KCNK2: variants seen among roughly 807,000 people sequenced by gnomAD.
KCNK2 encodes potassium two pore domain channel subfamily K member 2, also known as potassium channel subfamily K member 2.
A neutral mutation model predicts 40.5 loss-of-function variants in KCNK2; 21 were observed. That is an observed-to-expected ratio of 0.52 (90% confidence interval 0.37 to 0.75). KCNK2 has a LOEUF of 0.75. Among genes scored for constraint, KCNK2 ranks in the 30% least tolerant of loss-of-function variants. The pLI, the probability that KCNK2 is intolerant of heterozygous loss-of-function variation, is 0.00. For missense variants in KCNK2, 399 were observed against 531.6 expected (o/e 0.75, Z 2.45); for synonymous variants, 191 against 202.2 (o/e 0.94, Z 0.47).
At position 215,201,245 on chromosome 1, in the gene KCNK2, G is replaced by T. The variant is rs190035588; in HGVS notation, c.963+6153G>T. 3.5e-3 allele frequency among the ~76,000 whole-genome samples: 539 copies of T among 152,180 alleles called. 12 individuals are homozygous for T. Among genetic ancestry groups the T allele is most frequent in the Admixed American group, 0.032 (493 of 15,276 alleles). On this transcript the variant is annotated intron_variant, in intron 6 of 6. Coordinates refer to ENST00000444842, the MANE Select transcript of KCNK2 (RefSeq NM_001017425.3). ...ATGGTTACAGTGGTAGATCATATTG[G>T]CTAAAGAAAATGGTGAAGAAAAAGA... is the stretch of plus-strand genomic sequence containing the variant.
rs1216448651 is a variant in KCNK2 at position 215,118,525 on chromosome 1, TCTC to T, written c.358-6107_358-6105del. Among the ~76,000 whole-genome samples the T allele has an allele frequency of 2.6e-5, 4 of 152,142 alleles. No individual in the cohort carries two copies. The South Asian group carries it at 8.3e-4, about 32-fold the overall frequency. ...ATTCGTTATCTAAAGACTAGTTTCTTCTCAGTGTGGAAACTGGCTTCCCCCGCA... is the reference window on the plus strand; with the variant it reads ...ATTCGTTATCTAAAGACTAGTTTCTTAGTGTGGAAACTGGCTTCCCCCGCA... On this transcript the variant is annotated intron_variant, in intron 2 of 6. Transcript: ENST00000444842.
At chr1:215,184,085 A>G (rs1290817696) in intron 5 of KCNK2, among the ~76,000 whole-genome samples, 1 of 152,256 alleles carries the variant, frequency 6.6e-6, no homozygotes, top group African/African-American at 2.4e-5. Flanking sequence ...TCCTCTCTGG[A>G]TGAGGACCCT....
chr1:215,128,532 A>C (rs1276465125), intron 3 of KCNK2, among the ~76,000 whole-genome samples: 1 of 152,212 alleles, frequency 6.6e-6, no homozygotes, highest in African/African-American at 2.4e-5. Context: ...TTGGATAATC[A>C]AATGTAACAC....
At chr1:215,139,611 C>T (rs1009343888) in intron 3 of KCNK2, among the ~76,000 whole-genome samples, 1 of 152,070 alleles carries the variant, frequency 6.6e-6, no homozygotes, top group African/African-American at 2.4e-5. Flanking sequence ...TGGTGAAATC[C>T]CATCTCTACT....
At chr1:215,032,238 T>C (rs1044039133) in intron 1 of KCNK2, among the ~76,000 whole-genome samples, 5 of 151,678 alleles carry the variant, frequency 3.3e-5, no homozygotes, top group African/African-American at 1.2e-4. Context: ...GGAGACCCTG[T>C]GTCTACAAAA....
chr1:215,016,175 G>T (rs895847346), intron 1 of KCNK2, among the ~76,000 whole-genome samples: 12 of 152,064 alleles, frequency 7.9e-5, no homozygotes, highest in African/African-American at 2.9e-4. Context: ...CAATTAACAG[G>T]TTGAACACTA....
chr1:215,141,949 T>C (rs1442679289), intron 3 of KCNK2, among the ~76,000 whole-genome samples: 1 of 152,130 alleles, frequency 6.6e-6, no homozygotes, highest in Non-Finnish European at 1.5e-5. Flanking sequence ...AAATTTTCTG[T>C]TGCTTTCGTA....
At chr1:215,111,035 A>G (rs942889702) in intron 2 of KCNK2, among the ~76,000 whole-genome samples, 2 of 152,132 alleles carry the variant, frequency 1.3e-5, no homozygotes, top group Admixed American at 1.3e-4. Context: ...CAGTCTTGTT[A>G]CTGTCCCCAT....
chr1:215,079,299 G>A (rs1418213351), upstream of KCNK2, among the ~76,000 whole-genome samples: 5 of 152,144 alleles, frequency 3.3e-5, no homozygotes, highest in African/African-American at 9.7e-5. Flanking sequence ...AATTTACGAA[G>A]AAAAGAGGTT....
intron 6 of KCNK2, among the ~76,000 whole-genome samples, chr1:215,211,405 C>G (rs1479347796): frequency 2.0e-5 from 3 of 152,092 alleles, no homozygotes; most frequent in African/African-American, 7.2e-5. Context: ...GTCAATGGGG[C>G]CCACCTTGGC....
intron 1 of KCNK2, among the ~76,000 whole-genome samples, chr1:215,042,058 A>T (rs1213779362): frequency 6.6e-6 from 1 of 152,112 alleles, no homozygotes; most frequent in African/African-American, 2.4e-5. Flanking sequence ...TAACTGTCAC[A>T]AAAATAACAC....
chr1:215,045,552 G>A (rs995832679), intron 1 of KCNK2, among the ~76,000 whole-genome samples: 5 of 152,160 alleles, frequency 3.3e-5, no homozygotes, highest in Admixed American at 2.6e-4. Context: ...TGCATATCTT[G>A]GGTTATTCCT....
chr1:215,143,632 A>G (rs1194833450), intron 3 of KCNK2, among the ~76,000 whole-genome samples: 1 of 152,190 alleles, frequency 6.6e-6, no homozygotes, highest in African/African-American at 2.4e-5. Context: ...CAGCAGGCAC[A>G]TGCCATTGTG....
At chr1:215,127,503 G>T (rs1661487859) in intron 3 of KCNK2, among the ~76,000 whole-genome samples, 1 of 151,932 alleles carries the variant, frequency 6.6e-6, no homozygotes, top group African/African-American at 2.4e-5. Context: ...CCATATACCA[G>T]TCCTGTTGGC....
chr1:215,005,860 C>T (rs1656108438), exon 1 of KCNK2: 1 of 1,493,126 alleles, frequency 6.7e-7, no homozygotes, highest in Admixed American at 1.7e-5. Flanking sequence ...GACAAGAAAC[C>T]TTGGAGGAAG....
At chr1:215,190,118 T>G (rs1664606953) in intron 5 of KCNK2, among the ~76,000 whole-genome samples, 1 of 152,210 alleles carries the variant, frequency 6.6e-6, no homozygotes, top group African/African-American at 2.4e-5. Flanking sequence ...TCTTCCTTCC[T>G]AAATATTTTG....
At position 215,236,659 on chromosome 1, in the gene KCNK2, C is replaced by T. The variant is rs964573627; in HGVS notation, c.*1514C>T. ...TGCTACCCTTTCCTTTATTTTCATA[C>T]TTAGATCTGCTGTACATTGTATATA... is the stretch of plus-strand genomic sequence containing the variant. On this transcript the variant is annotated 3_prime_UTR_variant, in exon 7 of 7. Coordinates refer to ENST00000444842, the MANE Select transcript of KCNK2 (RefSeq NM_001017425.3). 4 of 152,178 alleles carry T rather than the reference C, an allele frequency of 2.6e-5. No individual in the cohort carries two copies. The highest frequency in any genetic ancestry group is 9.7e-5 in the African/African-American group (4 of 41,330). 9.4% of individuals were successfully genotyped at this position (152,178 alleles called of 1,614,324 possible).
At chr1:215,028,468 T>C (rs1657073439) in intron 1 of KCNK2, among the ~76,000 whole-genome samples, 1 of 152,164 alleles carries the variant, frequency 6.6e-6, no homozygotes, top group East Asian at 1.9e-4. Flanking sequence ...TATTATTATA[T>C]TTTACAAGAT....
intron 2 of KCNK2, among the ~76,000 whole-genome samples, chr1:215,112,005 CT>C (rs987312377): frequency 6.6e-6 from 1 of 151,166 alleles, no homozygotes; most frequent in Non-Finnish European, 1.5e-5. Flanking sequence ...GGGATTTACT[CT>C]TTTCTTTTTC....
Sources: allele counts gnomAD v4.1 joint callset (sites outside exome capture counted in the v4.1 genomes callset), GRCh38; gene constraint gnomAD v4.1.1; transcripts MANE v1.5; gene names NCBI Gene and HGNC (gene_info 2026-07-23, HGNC 2026-07-21).